S100PBP: variants seen among roughly 807,000 people sequenced by gnomAD.
S100PBP encodes S100P-binding protein.
A neutral mutation model predicts 39.9 loss-of-function variants in S100PBP; 15 were observed. The observed-to-expected ratio is 0.38, with a 90% CI of 0.25 to 0.58. The LOEUF is 0.58. Among genes scored for constraint, S100PBP ranks in the 20% least tolerant of loss-of-function variants. The pLI, the probability that S100PBP is intolerant of heterozygous loss-of-function variation, is 0.70. For synonymous variants in S100PBP, 178 were observed against 180.3 expected, an observed-to-expected ratio of 0.99 and a Z score of 0.10; for missense variants, 504 against 487.3, an observed-to-expected ratio of 1.03 and a Z score of -0.32.
At chr1:32,846,026 A>G (rs917760836) in intron 5 of S100PBP, among the ~76,000 whole-genome samples, 21 of 150,718 alleles carry the variant, frequency 1.4e-4, no homozygotes, top group Middle Eastern at 3.4e-3. Flanking sequence ...GTCTCACTCT[A>G]TCACCCAGGC....
intron 5 of S100PBP, among the ~76,000 whole-genome samples, chr1:32,838,837 C>T (rs181645002): frequency 4.0e-5 from 6 of 150,610 alleles, no homozygotes; most frequent in Non-Finnish European, 5.9e-5. Flanking sequence ...GAGTGAAACT[C>T]CGTCTCAAAA....
chr1:32,827,023 T>TA (rs891845297), intron 3 of S100PBP, 93 bp downstream of exon 3: 9 of 814,082 alleles, frequency 1.1e-5, no homozygotes, highest in Non-Finnish European at 1.5e-5. Context: ...TCTCCACACA[T>TA]ACACAACTTC....
At chr1:32,817,089 C>A, upstream of S100PBP, 3 of 1,483,268 alleles carry the variant, frequency 2.0e-6, no homozygotes, top group South Asian at 2.3e-5. Flanking sequence ...AGCGCCGAGT[C>A]CCCGGCCCCA....
intron 4 of S100PBP, among the ~76,000 whole-genome samples, chr1:32,829,382 C>G (rs1462279941): frequency 6.6e-6 from 1 of 152,140 alleles, no homozygotes; most frequent in Non-Finnish European, 1.5e-5. Context: ...TAAATACTTT[C>G]TCTAGGGACT....
chr1:32,849,469 A>G (rs1039822707), intron 5 of S100PBP, among the ~76,000 whole-genome samples: 1 of 152,210 alleles, frequency 6.6e-6, no homozygotes, highest in Non-Finnish European at 1.5e-5. Flanking sequence ...AGAGTTTGCC[A>G]TCTGTGATTG....
In S100PBP at chr1:32,825,362, C is replaced by T. The variant is rs1380091198; in HGVS notation, c.-70C>T. ...CAAGTCTCCTGAAAGGAACAGCTAG[C>T]AGGAACTGAAACCTTTTTCCATTTG... On this transcript the variant is annotated 5_prime_UTR_variant, in exon 2 of 7. Transcript: ENST00000373475. The T allele has an allele frequency of 6.6e-6, 1 of 152,204 alleles. No homozygotes were observed. The highest frequency in any genetic ancestry group is 2.4e-5 in the African/African-American group (1 of 41,456). The allele number at this position is 152,204 out of a possible 1,614,324, so 9.4% of individuals were successfully genotyped here. A position where few individuals can be genotyped will look rare whatever the true frequency, so the allele number is the denominator to read the frequency against.
intron 5 of S100PBP, among the ~76,000 whole-genome samples, chr1:32,842,236 T>TATATATATACACACAC (rs372174677): frequency 1.7e-4 from 14 of 80,876 alleles, no homozygotes; most frequent in Non-Finnish European, 2.1e-4. Flanking sequence ...TATATATATA[T>TATATATATACACACAC]ACACACACAC....
In S100PBP at chr1:32,857,865, T is replaced by C. The variant is rs1289511685; in HGVS notation, c.*1827T>C. On this transcript the variant is annotated 3_prime_UTR_variant, in exon 7 of 7. Transcript: ENST00000373475. Reference sequence around the variant, plus strand: ...ATTTAGGTGAATGTCCCTAAGTGTTTACTGTTTTTATCCAGTCAAGGATTT... The same window carrying C: ...ATTTAGGTGAATGTCCCTAAGTGTTCACTGTTTTTATCCAGTCAAGGATTT... 6.6e-6 allele frequency: 1 copy of C among 152,256 alleles called. No individual in the cohort carries two copies. Among genetic ancestry groups the C allele is most frequent in the Non-Finnish European group, 1.5e-5 (1 of 68,048 alleles). The allele number at this position is 152,256 out of a possible 1,614,324, so 9.4% of individuals were successfully genotyped here.
chr1:32,817,416 A>T (rs1176437867), upstream of S100PBP: 1 of 755,462 alleles, frequency 1.3e-6, no homozygotes, highest in Non-Finnish European at 2.2e-6. Flanking sequence ...GGAAAAAGTG[A>T]GGAGCAGCAG....
chr1:32,820,682 G>A (rs974822720), intron 1 of S100PBP: 1 of 152,054 alleles, frequency 6.6e-6, no homozygotes, highest in Non-Finnish European at 1.5e-5. Flanking sequence ...ATAATTTTAA[G>A]ATGTTTTTAT....
chr1:32,853,175 G>C lies in S100PBP; in HGVS notation c.1112+9G>C. Reference sequence around the variant, plus strand: ...TCGGACCTCACCACGCGGTGAGTGGGTGATTAGAAGAAGATGGAAAAGGGT... The same window carrying C: ...TCGGACCTCACCACGCGGTGAGTGGCTGATTAGAAGAAGATGGAAAAGGGT... On this transcript the variant is annotated intron_variant, in intron 6 of 6. Coordinates refer to ENST00000373475, the MANE Select transcript of S100PBP (RefSeq NM_022753.4). The C allele has an allele frequency of 6.3e-7, 1 of 1,587,870 alleles. No individual in the cohort carries two copies. Among genetic ancestry groups the C allele is most frequent in the Non-Finnish European group, 8.6e-7 (1 of 1,159,484 alleles).
At position 32,826,789 on chromosome 1, in the gene S100PBP, C is replaced by T. The variant is rs372046285; in HGVS notation, c.690C>T (p.Asp230=). The change falls in exon 3 of 7, where the codon GAC becomes GAT. Residue 230 remains aspartate (D), a synonymous_variant. Coordinates refer to ENST00000373475, the MANE Select transcript of S100PBP (RefSeq NM_022753.4). ...QQTVSDKNMP[D]SENPTSVFSR... Reference sequence around the variant, plus strand: ...CTGTCTCTGATAAAAATATGCCTGACAGTGAGAACCCTACGTCTGTATTCT... The same window carrying T: ...CTGTCTCTGATAAAAATATGCCTGATAGTGAGAACCCTACGTCTGTATTCT... 7 of 1,614,106 alleles carry T rather than the reference C, an allele frequency of 4.3e-6. No individual in the cohort carries two copies. The highest frequency in any genetic ancestry group is 3.3e-5 in the Admixed American group (2 of 60,020).
At chr1:32,822,467 G>A (rs1447431720) in intron 1 of S100PBP, among the ~76,000 whole-genome samples, 1 of 151,864 alleles carries the variant, frequency 6.6e-6, no homozygotes, top group Non-Finnish European at 1.5e-5. Context: ...ACAAAAATTA[G>A]CCAGGCGTGG....
At chr1:32,829,838 A>G in intron 4 of S100PBP, 126 bp from the exon 5 acceptor site, 1 of 660,460 alleles carries the variant, frequency 1.5e-6, no homozygotes, top group South Asian at 1.9e-5. Context: ...CCTCTCGATC[A>G]TAAAGATAAT....
chr1:32,827,629 G>GC (rs1475897358), intron 3 of S100PBP, among the ~76,000 whole-genome samples: 1 of 151,928 alleles, frequency 6.6e-6, no homozygotes, highest in Non-Finnish European at 1.5e-5. Flanking sequence ...TTACAAACAT[G>GC]CACCACCATG....
rs763204599 is a variant in S100PBP, at chr1:32,826,545, C to G, written c.446C>G (p.Ala149Gly). 2 of 1,613,824 alleles carry G rather than the reference C, an allele frequency of 1.2e-6. No homozygotes were observed. The highest frequency in any genetic ancestry group is 1.7e-6 in the Non-Finnish European group (2 of 1,179,928). Residue 149 changes from alanine (A) to glycine (G), a missense_variant, in exon 3 of 7, where the codon GCA becomes GGA. Physicochemically the swap from Ala to Gly is moderately conservative, Grantham distance 60. Transcript: ENST00000373475. ...AAGAATCTTATAAAAGTAACTGTTG[C>G]ACCATTTAATCCAACAGTTTGTGAT... Reference protein sequence around the residue: ...LEKNLIKVTVAPFNPTVCDAL... With the variant: ...LEKNLIKVTVGPFNPTVCDAL...
intron 1 of S100PBP, among the ~76,000 whole-genome samples, chr1:32,822,938 A>G (rs1639151474): frequency 1.3e-5 from 2 of 152,316 alleles, no homozygotes; most frequent in South Asian, 4.1e-4. Context: ...TATAGATTGT[A>G]CTGAATTTAG....
Position 32,858,103 on chromosome 1 carries a change from T to C in S100PBP, c.*2065T>C, listed in dbSNP as rs534454252. The stretch of plus-strand genomic sequence containing the variant: ...ATAGCATAGTTAAAATTAAATGTAG[T>C]TGGAATAGCTAGCATTGCAGCTACA... On this transcript the variant is annotated 3_prime_UTR_variant, in exon 7 of 7. Transcript: ENST00000373475. 2 of 152,542 alleles carry C rather than the reference T, an allele frequency of 1.3e-5. No homozygotes were observed. The highest frequency in any genetic ancestry group is 4.8e-5 in the African/African-American group (2 of 41,534). 9.4% of individuals were successfully genotyped at this position (152,542 alleles called of 1,614,324 possible). A position where few individuals can be genotyped will look rare whatever the true frequency, so the allele number is the denominator to read the frequency against.
chr1:32,828,026 A>G lies in S100PBP; in HGVS notation c.865A>G (p.Lys289Glu). The change falls in exon 4 of 7, where the codon AAA becomes GAA. Residue 289 changes from lysine (K) to glutamate (E), a missense_variant. Coordinates refer to ENST00000373475, the MANE Select transcript of S100PBP (RefSeq NM_022753.4). ...TCTTAACAAGGATTCTGGGAAGATG[A>G]AAGGCCATGAGAGAAGACTAGGCAA... ...DVLNKDSGKM[K>E]GHERRLGKVI... 6.2e-7 allele frequency: 1 copy of G among 1,611,602 alleles called. No individual in the cohort carries two copies. The highest frequency in any genetic ancestry group is 8.5e-7 in the Non-Finnish European group (1 of 1,178,192).
Sources: allele counts gnomAD v4.1 joint callset (sites outside exome capture counted in the v4.1 genomes callset), GRCh38; gene constraint gnomAD v4.1.1; transcripts MANE v1.5; gene names NCBI Gene and HGNC (gene_info 2026-07-23, HGNC 2026-07-21).